Variants in ZBED6 observed in about 807,000 individuals in gnomAD.
ZBED6 encodes zinc finger BED-type containing 6.
A neutral mutation model predicts 58.4 loss-of-function variants in ZBED6; 40 were observed. The ratio of observed to expected loss-of-function variants is 0.68; its 90% CI spans 0.53 to 0.89. The LOEUF (loss-of-function observed/expected upper bound fraction) is 0.89, where lower values mean the gene tolerates loss of function less well. Among genes scored for constraint, ZBED6 ranks in the 40% least tolerant of loss-of-function variants. The pLI, the probability that ZBED6 is intolerant of heterozygous loss-of-function variation, is 0.00. For missense variants in ZBED6, 1,057 were observed against 1,003.9 expected (o/e 1.05, Z -0.71); for synonymous variants, 439 against 350.6 (o/e 1.25, Z -2.82).
chr1:203,838,288 G>A (rs939267257), intron 10 of ZBED6, among the ~76,000 whole-genome samples: 22 of 152,160 alleles, frequency 1.4e-4, no homozygotes, highest in Admixed American at 1.3e-4. Flanking sequence ...AGTATAAATG[G>A]CAGGTAGGAA....
exon 1 of ZBED6, chr1:203,798,633 C>A (rs1404128284): frequency 3.9e-6 from 6 of 1,535,956 alleles, no homozygotes; most frequent in Non-Finnish European, 4.4e-6. Flanking sequence ...TTCAGATGAA[C>A]CTATGTTAGA....
chr1:203,837,284 C>T (rs1377262219), intron 9 of ZBED6, among the ~76,000 whole-genome samples: 1 of 80,708 alleles, frequency 1.2e-5, no homozygotes, highest in African/African-American at 4.7e-5. Flanking sequence ...GAGTGAGATC[C>T]TGTCTCAAAA....
intron 7 of ZBED6, 40 bp downstream of exon 7, chr1:203,830,243 T>C: frequency 1.4e-6 from 2 of 1,480,390 alleles, no homozygotes; most frequent in Non-Finnish European, 1.8e-6. Flanking sequence ...TGTATGTTGC[T>C]AGGGAAGAAT....
intron 1 of ZBED6, among the ~76,000 whole-genome samples, chr1:203,805,396 G>T (rs1671981201): frequency 6.6e-6 from 1 of 152,114 alleles, no homozygotes; most frequent in South Asian, 2.1e-4. Context: ...CTTTCAAAGT[G>T]CTGGGATTAC....
At chr1:203,850,925 A>C in intron 15 of ZBED6, 132 bp from the exon 16 acceptor site, 1 of 1,249,154 alleles carries the variant, frequency 8.0e-7, no homozygotes. Flanking sequence ...CTCAACCTTT[A>C]GATTATCGAT....
intron 16 of ZBED6, 36 bp downstream of exon 16, chr1:203,851,160 G>A (rs189297472): frequency 3.1e-6 from 5 of 1,600,390 alleles, no homozygotes; most frequent in African/African-American, 2.7e-5. Flanking sequence ...CAAACTCCAG[G>A]CCCCTGTTAC....
exon 1 of ZBED6, chr1:203,800,266 C>A: frequency 9.6e-7 from 1 of 1,045,286 alleles, no homozygotes; most frequent in Non-Finnish European, 1.4e-6. Flanking sequence ...AGTTGGCAAT[C>A]TGAATGTATC....
intron 11 of ZBED6, among the ~76,000 whole-genome samples, chr1:203,843,914 A>G (rs1365400835): frequency 1.3e-5 from 2 of 151,400 alleles, no homozygotes; most frequent in Non-Finnish European, 2.9e-5. Context: ...CTGGAGTGCA[A>G]TGGTGCGATC....
At chr1:203,804,220 C>T (rs370604818) in intron 1 of ZBED6, among the ~76,000 whole-genome samples, 18 of 148,300 alleles carry the variant, frequency 1.2e-4, no homozygotes, top group Admixed American at 3.4e-4. Context: ...GGCGTGATCT[C>T]GATTCACTGC....
At chr1:203,849,334 T>C (rs1320244298) in intron 13 of ZBED6, among the ~76,000 whole-genome samples, 8 of 152,390 alleles carry the variant, frequency 5.2e-5, no homozygotes, top group Non-Finnish European at 1.2e-4. Context: ...AGTTTGTTTT[T>C]ACTGACCACA....
rs1341876726 is a variant in ZBED6 at position 203,839,043 on chromosome 1, T to C, written c.*3672+979T>C. Among the ~76,000 whole-genome samples the C allele has an allele frequency of 7.9e-5, 12 of 151,858 alleles. No individual in the cohort carries two copies. In the South Asian group the frequency reaches 2.3e-3, roughly 29 times the overall value. ...TGCATTTTAAAACCATTACCTTGCC[T>C]GCAATATGGAGACAGATTAGAAGGG... On this transcript the variant is annotated intron_variant, in intron 10 of 16. Transcript: ENST00000550078.
intron 16 of ZBED6, 42 bp downstream of exon 16, chr1:203,851,166 G>T: frequency 6.3e-7 from 1 of 1,589,958 alleles, no homozygotes; most frequent in South Asian, 1.1e-5. Flanking sequence ...CCAGGCCCCT[G>T]TTACTGTTTA....
At chr1:203,806,609 C>CT (rs1245386454) in intron 1 of ZBED6, among the ~76,000 whole-genome samples, 1 of 152,066 alleles carries the variant, frequency 6.6e-6, no homozygotes, top group Non-Finnish European at 1.5e-5. Flanking sequence ...GGCCTAACAC[C>CT]TTTTTTTCTT....
intron 9 of ZBED6, among the ~76,000 whole-genome samples, chr1:203,836,117 G>A (rs1304060230): frequency 6.6e-6 from 1 of 152,154 alleles, no homozygotes; most frequent in Non-Finnish European, 1.5e-5. Flanking sequence ...GTATGGTGGT[G>A]CATGCCTGTC....
chr1:203,827,590 G>A (rs1572157274), intron 3 of ZBED6, among the ~76,000 whole-genome samples: 2 of 151,914 alleles, frequency 1.3e-5, no homozygotes, highest in East Asian at 1.9e-4. Context: ...GCTGAGGCAG[G>A]AGAATGGCGT....
intron 8 of ZBED6, 52 bp downstream of exon 8, chr1:203,831,823 G>A: frequency 6.9e-7 from 1 of 1,440,746 alleles, no homozygotes; most frequent in East Asian, 2.3e-5. Context: ...TTATATAATT[G>A]GGAATGCAAA....
chr1:203,811,999 T>C (rs1161409789), intron 1 of ZBED6, among the ~76,000 whole-genome samples: 1 of 151,734 alleles, frequency 6.6e-6, no homozygotes, highest in African/African-American at 2.4e-5. Flanking sequence ...TATTTTTTGA[T>C]AGAGACGAGG....
At chr1:203,816,427 C>T (rs2102757363) in intron 1 of ZBED6, among the ~76,000 whole-genome samples, 1 of 152,158 alleles carries the variant, frequency 6.6e-6, no homozygotes, top group South Asian at 2.1e-4. Flanking sequence ...AGTTCAAGAC[C>T]AGACTGAACA....
intron 4 of ZBED6, 186 bp from the exon 5 acceptor site, chr1:203,829,263 GTT>G (rs1681504369): frequency 1.6e-6 from 1 of 620,192 alleles, no homozygotes; most frequent in African/African-American, 1.9e-5. Context: ...ACAGTGGAGA[GTT>G]AGTGGAGAGT....
Sources: gnomAD v4.1 joint callset for allele counts (sites outside exome capture counted in the v4.1 genomes callset) on GRCh38, gnomAD v4.1.1 for gene constraint, MANE v1.5 for transcripts, NCBI Gene and HGNC (gene_info 2026-07-23, HGNC 2026-07-21) for gene names.